Variants in FGF14 observed in about 807,000 individuals in gnomAD.
FGF14 encodes fibroblast growth factor 14, also known as fibroblast growth factor homologous factor 4.
Under a neutral mutation model 25.5 loss-of-function variants are expected in FGF14, and 5 were observed. The observed-to-expected ratio is 0.20, with a 90% CI of 0.10 to 0.41. The LOEUF (loss-of-function observed/expected upper bound fraction) is 0.41, where lower values mean the gene tolerates loss of function less well. Ranked by LOEUF, FGF14 falls within the 10% of genes least tolerant of loss-of-function variation. FGF14 has a pLI of 1.00. For missense variants in FGF14, 222 were observed against 320.1 expected (o/e 0.69, Z 2.34); for synonymous variants, 138 against 118.3 (o/e 1.17, Z -1.08).
intron 3 of FGF14, among the ~76,000 whole-genome samples, chr13:101,787,308 A>G (rs780133131): frequency 1.6e-4 from 24 of 152,226 alleles, no homozygotes; most frequent in Non-Finnish European, 2.8e-4. Context: ...ACCATCTAGC[A>G]TATTGAATAG....
intron 1 of FGF14, among the ~76,000 whole-genome samples, chr13:101,896,904 T>C (rs2030774990): frequency 6.6e-6 from 1 of 152,094 alleles, no homozygotes; most frequent in African/African-American, 2.4e-5. Context: ...ATCTATAAAA[T>C]AAGATGACTG....
At chr13:102,352,305 T>C (rs1485724185) in intron 1 of FGF14, among the ~76,000 whole-genome samples, 2 of 149,332 alleles carry the variant, frequency 1.3e-5, no homozygotes, top group Non-Finnish European at 3.0e-5. Context: ...AACATTCATT[T>C]GAAAATTGAA....
chr13:102,294,246 C>T (rs1303376286), intron 1 of FGF14, among the ~76,000 whole-genome samples: 11 of 152,134 alleles, frequency 7.2e-5, no homozygotes. Flanking sequence ...AATGTCTTTT[C>T]TATGACTTTT....
intron 1 of FGF14, among the ~76,000 whole-genome samples, chr13:102,235,520 G>A (rs189024796): frequency 2.6e-5 from 4 of 152,234 alleles, no homozygotes; most frequent in African/African-American, 9.6e-5. Context: ...GCTGATTCGT[G>A]CGCACCTTAA....
At chr13:101,918,082 A>G (rs924409098), upstream of FGF14, among the ~76,000 whole-genome samples, 6 of 148,966 alleles carry the variant, frequency 4.0e-5, no homozygotes, top group Admixed American at 3.3e-4. Flanking sequence ...AAATTCAAAT[A>G]CAACAGCCGG....
chr13:102,130,185 G>A (rs9554843), intron 1 of FGF14, among the ~76,000 whole-genome samples: 35,968 of 152,056 alleles, frequency 0.24, 5,491 homozygotes, highest in East Asian at 0.85. Flanking sequence ...CCAGCCCGGG[G>A]AAGAAGCTGA....
chr13:102,046,429 C>T (rs1202033878), intron 1 of FGF14, among the ~76,000 whole-genome samples: 1 of 152,062 alleles, frequency 6.6e-6, no homozygotes, highest in African/African-American at 2.4e-5. Flanking sequence ...CATGTTATTA[C>T]TATTTTAAAG....
chr13:102,263,351 A>G (rs1452943262), intron 1 of FGF14: 1 of 256,448 alleles, frequency 3.9e-6, no homozygotes, highest in African/African-American at 2.3e-5. Flanking sequence ...GTGAGCAGTG[A>G]AAAATTATGT....
chr13:102,312,222 CAA>C (rs34575465), intron 1 of FGF14, among the ~76,000 whole-genome samples: 171 of 96,860 alleles, frequency 1.8e-3, no homozygotes, highest in South Asian at 8.1e-3. Context: ...AGACCTAAAC[CAA>C]AAAAAAAAAA....
At chr13:102,034,117 T>C (rs1457866648) in intron 1 of FGF14, among the ~76,000 whole-genome samples, 1 of 152,088 alleles carries the variant, frequency 6.6e-6, no homozygotes, top group Non-Finnish European at 1.5e-5. Context: ...CTGCATAATG[T>C]GGCAGCAATA....
intron 3 of FGF14, among the ~76,000 whole-genome samples, chr13:101,732,609 G>C (rs1375580191): frequency 6.6e-6 from 1 of 152,112 alleles, no homozygotes; most frequent in Non-Finnish European, 1.5e-5. Flanking sequence ...CCAAGTCCAA[G>C]TTCTTACTTT....
chr13:102,278,907 A>G (rs758569225), intron 1 of FGF14, among the ~76,000 whole-genome samples: 62 of 152,188 alleles, frequency 4.1e-4, no homozygotes, highest in Non-Finnish European at 1.2e-4. Flanking sequence ...AAAAGTGCCC[A>G]GGAAACAAAG....
chr13:102,102,468 T>G (rs1222469950), intron 1 of FGF14, among the ~76,000 whole-genome samples: 1 of 152,210 alleles, frequency 6.6e-6, no homozygotes, highest in Non-Finnish European at 1.5e-5. Flanking sequence ...GCTTATTTGT[T>G]GTAACCAGCA....
rs537408326 is a variant in FGF14, at chr13:101,985,106, A to G, written c.209-109810T>C. Among the ~76,000 whole-genome samples, 27 of 149,756 alleles carry G rather than the reference A, an allele frequency of 1.8e-4. No individual in the cohort carries two copies. In the East Asian group the frequency reaches 5.3e-3, roughly 29 times the overall value. Reference sequence around the variant, plus strand: ...TTTTTTTTTTTTTTGCCACAACAGCAACAAAAAATTATCTCAGAAATTAGT... The same window carrying G: ...TTTTTTTTTTTTTTGCCACAACAGCGACAAAAAATTATCTCAGAAATTAGT... On this transcript the variant is annotated intron_variant, in intron 1 of 4. Coordinates refer to the FGF14 transcript ENST00000376131.
chr13:102,319,477 C>A (rs900648786), intron 1 of FGF14, among the ~76,000 whole-genome samples: 13 of 152,188 alleles, frequency 8.5e-5, no homozygotes, highest in Non-Finnish European at 1.5e-4. Context: ...GGCTTGCCCC[C>A]ACCAGCACAC....
At chr13:101,796,590 T>C (rs1212257004) in intron 3 of FGF14, among the ~76,000 whole-genome samples, 1 of 151,932 alleles carries the variant, frequency 6.6e-6, no homozygotes, top group African/African-American at 2.4e-5. Flanking sequence ...AATACGATCA[T>C]GAAGATAGGC....
chr13:102,046,705 A>C (rs2140029065), intron 1 of FGF14, among the ~76,000 whole-genome samples: 1 of 152,328 alleles, frequency 6.6e-6, no homozygotes, highest in African/African-American at 2.4e-5. Context: ...ACTTTATCAC[A>C]TCTTCAGAAA....
At chr13:101,781,313 T>C (rs1168992971) in intron 3 of FGF14, among the ~76,000 whole-genome samples, 1 of 152,244 alleles carries the variant, frequency 6.6e-6, no homozygotes, top group Non-Finnish European at 1.5e-5. Context: ...TTTCTTCCAC[T>C]AGGCTTTGTT....
At chr13:102,177,182 AT>A (rs1198356634) in intron 1 of FGF14, among the ~76,000 whole-genome samples, 1 of 152,186 alleles carries the variant, frequency 6.6e-6, no homozygotes, top group East Asian at 1.9e-4. Flanking sequence ...AGAGCTTAGC[AT>A]TCAGTAACTA....
Sources: allele counts gnomAD v4.1 joint callset (sites outside exome capture counted in the v4.1 genomes callset), GRCh38; gene constraint gnomAD v4.1.1; transcripts MANE v1.5; gene names NCBI Gene and HGNC (gene_info 2026-07-23, HGNC 2026-07-21).